Variants in RGS7 observed in about 807,000 individuals in gnomAD.
The protein encoded by RGS7 is regulator of G protein signaling 7.
In RGS7, 27 loss-of-function variants were observed where a neutral mutation model predicts 81.1. The observed-to-expected ratio is 0.33, with a 90% CI of 0.25 to 0.46. The LOEUF is 0.46. RGS7 is among the 20% of genes least tolerant of loss of function. The pLI, the probability that RGS7 is intolerant of heterozygous loss-of-function variation, is 1.00. For synonymous variants in RGS7, 208 were observed against 207.7 expected (o/e 1.00, Z -0.01); for missense variants, 396 against 607.4 (o/e 0.65, Z 3.66).
At chr1:240,886,951 C>G (rs2148121482) in intron 6 of RGS7, among the ~76,000 whole-genome samples, 1 of 152,244 alleles carries the variant, frequency 6.6e-6, no homozygotes, top group Admixed American at 6.5e-5. Flanking sequence ...TTCCTGTTAA[C>G]TATGATATTG....
intron 3 of RGS7, among the ~76,000 whole-genome samples, chr1:240,985,772 T>C (rs1373324671): frequency 2.6e-5 from 4 of 151,950 alleles, no homozygotes; most frequent in Non-Finnish European, 2.9e-5. Flanking sequence ...CTTGAAGAGA[T>C]AGGTAGAGAG....
chr1:241,165,037 G>A (rs573930252), intron 2 of RGS7, among the ~76,000 whole-genome samples: 3 of 152,220 alleles, frequency 2.0e-5, no homozygotes, highest in Admixed American at 6.5e-5. Flanking sequence ...CCCTATGTGC[G>A]TTCTCATCAT....
rs576816528 is a variant in RGS7, at chr1:240,796,553, G to T, written c.*6+4088C>A. 5.4e-4 allele frequency among the ~76,000 whole-genome samples: 82 copies of T among 152,218 alleles called. 1 individual carries two copies. Among genetic ancestry groups the T allele is most frequent in the Admixed American group, 4.1e-3 (62 of 15,286 alleles). On this transcript the variant is annotated intron_variant, in intron 18 of 18. Coordinates refer to ENST00000440928, the MANE Select transcript of RGS7 (RefSeq NM_001364886.1). The stretch of plus-strand genomic sequence containing the variant: ...TACAAAAAATTAGCCGGGAGTGTTG[G>T]CGGGTGCCTGTAGTCCCAGCTACTT...
chr1:241,201,856 G>A (rs2073526104), intron 2 of RGS7, among the ~76,000 whole-genome samples: 1 of 152,032 alleles, frequency 6.6e-6, no homozygotes, highest in Admixed American at 6.6e-5. Flanking sequence ...AAGACTTTGG[G>A]ATTCCAAAGT....
chr1:241,133,291 C>T (rs1207232347), intron 2 of RGS7, among the ~76,000 whole-genome samples: 1 of 149,932 alleles, frequency 6.7e-6, no homozygotes, highest in Non-Finnish European at 1.5e-5. Flanking sequence ...ATTTGATAAA[C>T]CACAGAGAAA....
At chr1:241,258,747 A>G (rs2148264377) in intron 2 of RGS7, among the ~76,000 whole-genome samples, 1 of 152,282 alleles carries the variant, frequency 6.6e-6, no homozygotes, top group East Asian at 1.9e-4. Context: ...CCTGAATTTT[A>G]ACAAGCAAAA....
In RGS7 at chr1:240,953,859, G is replaced by A. The variant is rs193041757; in HGVS notation, c.227-17153C>T. 1.4e-4 allele frequency among the ~76,000 whole-genome samples: 21 copies of A among 152,080 alleles called. No individual in the cohort carries two copies. In the East Asian group the frequency reaches 2.9e-3, roughly 21 times the overall value. On this transcript the variant is annotated intron_variant, in intron 4 of 18. Transcript: ENST00000440928. Reference sequence around the variant, plus strand: ...AACAAAATTGACAAATCTCTGCCCAGGCAAACCGTGTGAAAAAGAAAGAAG... The same window carrying A: ...AACAAAATTGACAAATCTCTGCCCAAGCAAACCGTGTGAAAAAGAAAGAAG...
chr1:241,159,838 A>G (rs141304944), intron 2 of RGS7, among the ~76,000 whole-genome samples: 55 of 152,188 alleles, frequency 3.6e-4, no homozygotes, highest in African/African-American at 1.3e-3. Flanking sequence ...ACAGCAGGTA[A>G]GAAACTGAGT....
intron 9 of RGS7, among the ~76,000 whole-genome samples, chr1:240,864,132 A>T (rs1049029514): frequency 3.3e-5 from 5 of 152,192 alleles, no homozygotes; most frequent in African/African-American, 1.2e-4. Flanking sequence ...TGTTCATAAA[A>T]TGCGACACTG....
chr1:241,143,728 G>A (rs772050813), intron 2 of RGS7, among the ~76,000 whole-genome samples: 1 of 152,178 alleles, frequency 6.6e-6, no homozygotes, highest in Non-Finnish European at 1.5e-5. Context: ...TACTACCACT[G>A]CTATGGTCTG....
intron 9 of RGS7, among the ~76,000 whole-genome samples, chr1:240,835,353 G>A (rs1391381083): frequency 6.6e-6 from 1 of 152,128 alleles, no homozygotes; most frequent in African/African-American, 2.4e-5. Flanking sequence ...GCTCCACATC[G>A]TATGTCATTG....
intron 2 of RGS7, among the ~76,000 whole-genome samples, chr1:241,255,015 A>C (rs1403526566): frequency 6.6e-6 from 1 of 152,230 alleles, no homozygotes; most frequent in Non-Finnish European, 1.5e-5. Flanking sequence ...GGAGAATAGA[A>C]GATGACTGTT....
intron 6 of RGS7, among the ~76,000 whole-genome samples, chr1:240,885,672 C>T (rs1042785222): frequency 7.2e-5 from 11 of 152,092 alleles, no homozygotes; most frequent in Non-Finnish European, 1.3e-4. Context: ...CACATGTTCT[C>T]ACTTATAAGT....
chr1:241,123,876 G>T (rs938653991), intron 2 of RGS7, among the ~76,000 whole-genome samples: 1 of 152,176 alleles, frequency 6.6e-6, no homozygotes, highest in African/African-American at 2.4e-5. Context: ...GGGTATCCCC[G>T]CCATGCTGTC....
At chr1:240,802,652 G>A (rs1688210429) in intron 16 of RGS7, among the ~76,000 whole-genome samples, 1 of 152,080 alleles carries the variant, frequency 6.6e-6, no homozygotes, top group Admixed American at 6.6e-5. Flanking sequence ...CATGAAACAT[G>A]AAAACAGCTT....
At chr1:241,267,096 T>A (rs1299380273) in intron 2 of RGS7, among the ~76,000 whole-genome samples, 1 of 152,206 alleles carries the variant, frequency 6.6e-6, no homozygotes, top group East Asian at 1.9e-4. Flanking sequence ...GGTCTGTACC[T>A]GTCCTCAGAT....
At chr1:240,851,696 A>T (rs754129637) in intron 9 of RGS7, among the ~76,000 whole-genome samples, 8 of 152,144 alleles carry the variant, frequency 5.3e-5, no homozygotes, top group African/African-American at 1.4e-4. Flanking sequence ...TCATGGGAGG[A>T]GTCAAAATCT....
At position 241,306,855 on chromosome 1, in the gene RGS7, C is replaced by T. The variant is rs1248303186; in HGVS notation, c.78+48844G>A. Among the ~76,000 whole-genome samples the T allele has an allele frequency of 2.6e-5, 4 of 152,166 alleles. No individual in the cohort carries two copies. In the East Asian group the frequency reaches 7.7e-4, roughly 29 times the overall value. On this transcript the variant is annotated intron_variant, in intron 2 of 18. Transcript: ENST00000440928. ...TATCCACTCACATACACACAACACC[C>T]TAGATGCCTAGTTTGGAACAGAAGC...
chr1:240,862,847 C>T (rs959046781), intron 9 of RGS7, among the ~76,000 whole-genome samples: 5 of 151,868 alleles, frequency 3.3e-5, no homozygotes, highest in Non-Finnish European at 5.9e-5. Flanking sequence ...TTCAATTAAC[C>T]TTCTGAAAAA....
Sources: gnomAD v4.1 joint callset for allele counts (sites outside exome capture counted in the v4.1 genomes callset) on GRCh38, gnomAD v4.1.1 for gene constraint, MANE v1.5 for transcripts, NCBI Gene and HGNC (gene_info 2026-07-23, HGNC 2026-07-21) for gene names.